ATG5: variants seen among roughly 807,000 people sequenced by gnomAD.
ATG5 encodes the protein autophagy protein 5.
A neutral mutation model predicts 36.5 loss-of-function variants in ATG5; 14 were observed. The observed-to-expected ratio is 0.38, with a 90% CI of 0.25 to 0.60. The LOEUF (loss-of-function observed/expected upper bound fraction) is 0.60, where lower values mean the gene tolerates loss of function less well. Ranked by LOEUF, ATG5 falls within the 20% of genes least tolerant of loss-of-function variation. The pLI, the probability that ATG5 is intolerant of heterozygous loss-of-function variation, is 0.60. For missense variants in ATG5, 195 were observed against 326.7 expected (o/e 0.60, Z 3.11); for synonymous variants, 95 against 101.5 (o/e 0.94, Z 0.38).
intron 6 of ATG5, among the ~76,000 whole-genome samples, chr6:106,246,488 T>G (rs983263339): frequency 1.3e-5 from 2 of 151,934 alleles, no homozygotes; most frequent in African/African-American, 4.8e-5. Flanking sequence ...CAACACTAGG[T>G]ATGGATTAAT....
At chr6:106,241,913 C>G (rs1453546106) in intron 6 of ATG5, among the ~76,000 whole-genome samples, 1 of 152,022 alleles carries the variant, frequency 6.6e-6, no homozygotes, top group African/African-American at 2.4e-5. Context: ...AAATCTCTCT[C>G]TACACAAACA....
intron 4 of ATG5, among the ~76,000 whole-genome samples, chr6:106,282,607 C>T (rs925606663): frequency 2.6e-5 from 4 of 152,196 alleles, no homozygotes; most frequent in African/African-American, 9.7e-5. Context: ...ATTCGATAAA[C>T]CATCATGTAG....
At chr6:106,316,046 T>G in intron 2 of ATG5, 55 bp downstream of exon 2, 1 of 1,438,746 alleles carries the variant, frequency 7.0e-7, no homozygotes, top group Admixed American at 1.9e-5. Flanking sequence ...TACAGCTTTT[T>G]CTTACAAAAA....
chr6:106,239,519 T>G (rs1778029543), intron 6 of ATG5, among the ~76,000 whole-genome samples: 1 of 152,090 alleles, frequency 6.6e-6, no homozygotes, highest in Admixed American at 6.5e-5. Flanking sequence ...AGAATAACCA[T>G]GAAAAGTATG....
intron 2 of ATG5, among the ~76,000 whole-genome samples, chr6:106,310,962 T>C (rs959280952): frequency 2.6e-5 from 4 of 152,228 alleles, no homozygotes; most frequent in African/African-American, 4.8e-5. Context: ...AAGTATTCCA[T>C]GACTCTGATA....
intron 1 of ATG5, among the ~76,000 whole-genome samples, chr6:106,319,600 T>C (rs1295852622): frequency 1.3e-5 from 2 of 152,214 alleles, no homozygotes; most frequent in Non-Finnish European, 2.9e-5. Context: ...AAACATGCTT[T>C]AGGACCCAGC....
chr6:106,288,008 T>C (rs983032871), intron 4 of ATG5, among the ~76,000 whole-genome samples: 2 of 151,872 alleles, frequency 1.3e-5, no homozygotes, highest in African/African-American at 4.8e-5. Flanking sequence ...GTCTACTCTG[T>C]TGCCCAGGCT....
rs186135938 is a variant in ATG5, at chr6:106,204,547, G to A, written c.574-2458C>T. Among the ~76,000 whole-genome samples the A allele has an allele frequency of 9.1e-4, 139 of 152,192 alleles. 1 individual carries two copies. The highest frequency in any genetic ancestry group is 3.4e-3 in the Middle Eastern group (1 of 294). On this transcript the variant is annotated intron_variant, in intron 6 of 7. Coordinates refer to ENST00000369076, the MANE Select transcript of ATG5 (RefSeq NM_004849.4). ...TCATCTCAAATTGTAATCCCCACCC[G>A]TCTAGGGAGGGACTGTAATCCCCAT...
intron 3 of ATG5, among the ~76,000 whole-genome samples, chr6:106,298,333 T>C (rs561111639): frequency 6.6e-6 from 1 of 152,286 alleles, no homozygotes; most frequent in East Asian, 1.9e-4. Flanking sequence ...AACTCCTTTG[T>C]CTTGGCATAT....
At chr6:106,245,609 A>G (rs1488491442) in intron 6 of ATG5, among the ~76,000 whole-genome samples, 6 of 152,268 alleles carry the variant, frequency 3.9e-5, no homozygotes, top group Middle Eastern at 3.4e-3. Context: ...GCCTCACTCA[A>G]GCATGCTCAG....
chr6:106,193,368 T>G (rs533302129), intron 7 of ATG5, among the ~76,000 whole-genome samples: 87 of 152,328 alleles, frequency 5.7e-4, no homozygotes, highest in Non-Finnish European at 1.0e-3. Flanking sequence ...TTATTATATT[T>G]TCAGAGCTTT....
rs558219792 is a variant in ATG5 at position 106,305,523 on chromosome 6, A to G, written c.236+2841T>C. On this transcript the variant is annotated intron_variant, in intron 3 of 7. Coordinates refer to ENST00000369076, the MANE Select transcript of ATG5 (RefSeq NM_004849.4). ...CAGAATCAGTGACAAGGTTATAAAG[A>G]GAGAAGAAACATCAATTTCTGTTCT... is the stretch of plus-strand genomic sequence containing the variant. 3.3e-5 allele frequency among the ~76,000 whole-genome samples: 5 copies of G among 152,082 alleles called. No homozygotes were observed. In the East Asian group the frequency reaches 9.6e-4, roughly 29 times the overall value.
chr6:106,241,896 T>C (rs1283398239), intron 6 of ATG5, among the ~76,000 whole-genome samples: 1 of 151,976 alleles, frequency 6.6e-6, no homozygotes, highest in Non-Finnish European at 1.5e-5. Flanking sequence ...AGCCAATTCA[T>C]TAAAATAAAT....
At chr6:106,295,616 T>G (rs1361244191) in intron 3 of ATG5, among the ~76,000 whole-genome samples, 1 of 150,992 alleles carries the variant, frequency 6.6e-6, no homozygotes. Context: ...TAGGCTGGAG[T>G]GCAGTGGTGC....
intron 4 of ATG5, among the ~76,000 whole-genome samples, chr6:106,288,828 A>G (rs1293663276): frequency 6.6e-6 from 1 of 152,216 alleles, no homozygotes. Context: ...ATAAACCTAT[A>G]CAAATCACAA....
intron 4 of ATG5, among the ~76,000 whole-genome samples, chr6:106,284,272 T>G (rs9373842): frequency 0.15 from 23,192 of 152,226 alleles, 2,110 homozygotes; most frequent in Non-Finnish European, 0.2. Flanking sequence ...CCAAAAAGGC[T>G]ACACCATTTT....
chr6:106,198,706 G>A (rs1776297744), intron 7 of ATG5, among the ~76,000 whole-genome samples: 1 of 152,036 alleles, frequency 6.6e-6, no homozygotes, highest in South Asian at 2.1e-4. Context: ...GAACCCGGAG[G>A]TGGAGGTTGC....
chr6:106,316,820 T>C (rs1770871197), intron 1 of ATG5, among the ~76,000 whole-genome samples: 1 of 152,188 alleles, frequency 6.6e-6, no homozygotes, highest in South Asian at 2.1e-4. Context: ...TACAATTTAA[T>C]CCCACCAATA....
chr6:106,233,791 T>A (rs1777781649), intron 6 of ATG5, among the ~76,000 whole-genome samples: 1 of 152,134 alleles, frequency 6.6e-6, no homozygotes, highest in African/African-American at 2.4e-5. Flanking sequence ...ATCATATTTT[T>A]CTCTTTACTG....
Sources: gnomAD v4.1 joint callset for allele counts (sites outside exome capture counted in the v4.1 genomes callset) on GRCh38, gnomAD v4.1.1 for gene constraint, MANE v1.5 for transcripts, NCBI Gene and HGNC (gene_info 2026-07-23, HGNC 2026-07-21) for gene names.